Variants in MUC12 observed in about 807,000 individuals in gnomAD.
The protein encoded by MUC12 is mucin-12.
MUC12 carries 172 observed loss-of-function variants against 230.8 expected under a neutral mutation model. The observed-to-expected ratio is 0.75, with a 90% CI of 0.66 to 0.85. The LOEUF (loss-of-function observed/expected upper bound fraction) is 0.85. MUC12 is among the 40% of genes least tolerant of loss of function. The pLI, the probability that MUC12 is intolerant of heterozygous loss-of-function variation, is 0.00. For missense variants in MUC12, 3,506 were observed against 5,920.6 expected (o/e 0.59, Z 13.38); for synonymous variants, 1,259 against 2,401.9 (o/e 0.52, Z 13.91).
intron 1 of MUC12, among the ~76,000 whole-genome samples, chr7:100,970,913 C>G (rs984408247): frequency 5.9e-5 from 9 of 151,926 alleles, no homozygotes; most frequent in African/African-American, 2.2e-4. Context: ...AGGAGAATGG[C>G]GTGAACCCGG....
intron 1 of MUC12, chr7:100,981,456 A>G: frequency 1.8e-6 from 1 of 558,318 alleles, no homozygotes; most frequent in Non-Finnish European, 3.2e-6. Context: ...TGGGGCTCCC[A>G]CTTAGTGAGC....
At chr7:100,973,441 C>T (rs1157665901) in intron 1 of MUC12, among the ~76,000 whole-genome samples, 1 of 43,568 alleles carries the variant, frequency 2.3e-5, no homozygotes. Flanking sequence ...GCCCCTACTA[C>T]AGGCTGAGGA....
At position 100,993,095 on chromosome 7, in the gene MUC12, C is replaced by T; in HGVS notation, c.2532C>T (p.Ser844=). The change falls in exon 2 of 12, where the codon AGC becomes AGT. Residue 844 remains serine, a synonymous_variant. Transcript: ENST00000536621. Reference sequence around the variant, plus strand: ...CACTCTCACCTGCCAGCACGACAAGCTCAGGCGTCAGTGAAGAATCCACCA... The same window carrying T: ...CACTCTCACCTGCCAGCACGACAAGTTCAGGCGTCAGTGAAGAATCCACCA... The part of the protein sequence containing the change: ...ATTLSPASTT[S]SGVSEESTTS... 1 of 1,530,924 alleles carries T rather than the reference C, an allele frequency of 6.5e-7. No individual in the cohort carries two copies. The highest frequency in any genetic ancestry group is 8.7e-7 in the Non-Finnish European group (1 of 1,146,266). The allele number at this position is 1,530,924 out of a possible 1,614,324, so 94.8% of individuals were successfully genotyped here.
chr7:100,991,725 A>T lies in MUC12; in HGVS notation c.1162A>T (p.Thr388Ser), dbSNP rs1793313668. The change falls in exon 2 of 12, where the codon ACT becomes TCT. Residue 388 changes from threonine to serine, a missense_variant. Coordinates refer to ENST00000536621, the MANE Select transcript of MUC12 (RefSeq NM_001164462.2). The part of the protein sequence containing the change: ...TTSGHSEESA[T>S]FHGSTTHTKS... Reference sequence around the variant, plus strand: ...TTCAGGCCATAGTGAAGAATCAGCAACTTTCCACGGCAGCACAACACACAC... The same window carrying T: ...TTCAGGCCATAGTGAAGAATCAGCATCTTTCCACGGCAGCACAACACACAC... 2.0e-6 allele frequency: 3 copies of T among 1,537,882 alleles called. No individual in the cohort carries two copies. The highest frequency in any genetic ancestry group is 1.7e-6 in the Non-Finnish European group (2 of 1,147,084).
At chr7:100,990,485 C>T in intron 1 of MUC12, 146 bp from the exon 2 acceptor site, 1 of 953,760 alleles carries the variant, frequency 1.0e-6, no homozygotes, top group South Asian at 1.7e-5. Flanking sequence ...CTGACACTTC[C>T]TATGCCCCCA....
chr7:101,016,720 C>T (rs554928580), intron 10 of MUC12, among the ~76,000 whole-genome samples: 65 of 151,622 alleles, frequency 4.3e-4, no homozygotes, highest in Non-Finnish European at 6.6e-4. Flanking sequence ...AGAGGAGACG[C>T]AGCCTGGTGG....
chr7:100,992,028 C>T lies in MUC12; in HGVS notation c.1465C>T (p.Leu489Phe), dbSNP rs755982009. The T allele has an allele frequency of 7.2e-6, 11 of 1,537,862 alleles. No homozygotes were observed. Among genetic ancestry groups the T allele is most frequent in the African/African-American group, 2.7e-5 (2 of 73,044 alleles). ...ALPGSTTKPG[L>F]SEKSTTFYSS... is the part of the protein sequence containing the mutation. ...ACCCGGCAGTACCACAAAACCAGGCCTCAGTGAGAAATCTACCACTTTCTA... is the reference window on the plus strand; with the variant it reads ...ACCCGGCAGTACCACAAAACCAGGCTTCAGTGAGAAATCTACCACTTTCTA... Residue 489 changes from leucine to phenylalanine, a missense_variant, in exon 2 of 12, where the codon CTC (leucine) becomes TTC (phenylalanine). Coordinates refer to ENST00000536621, the MANE Select transcript of MUC12 (RefSeq NM_001164462.2).
chr7:101,013,830 G>C (rs1793875781), intron 8 of MUC12, 83 bp from the exon 9 acceptor site: 3 of 1,403,636 alleles, frequency 2.1e-6, no homozygotes, highest in Non-Finnish European at 2.8e-6. Flanking sequence ...CTGGTTTCCT[G>C]TGCTTAGGAG....
intron 1 of MUC12, among the ~76,000 whole-genome samples, chr7:100,974,748 C>T (rs1792990042): frequency 6.6e-6 from 1 of 152,292 alleles, no homozygotes; most frequent in Non-Finnish European, 1.5e-5. Context: ...ATGCTTGAGC[C>T]CAGGAGGTCG....
Position 101,004,595 on chromosome 7 carries a change from G to T in MUC12, c.14032G>T (p.Gly4678Cys). 2 of 1,536,812 alleles carry T rather than the reference G, an allele frequency of 1.3e-6. No homozygotes were observed. The highest frequency in any genetic ancestry group is 1.7e-6 in the Non-Finnish European group (2 of 1,146,212). The change falls in exon 2 of 12, where the codon GGC (glycine) becomes TGC (cysteine). Residue 4678 changes from glycine (G) to cysteine (C), a missense_variant. By Grantham distance (159) the Gly-to-Cys change is radical (BLOSUM62 -3). Transcript: ENST00000536621. ...THFPESSTTSGRSEESTASHS... is the reference protein window; with the variant it reads ...THFPESSTTSCRSEESTASHS... Reference sequence around the variant, plus strand: ...CTTTCCTGAGAGCTCCACAACCTCCGGCCGTAGTGAGGAATCAACAGCATC... The same window carrying T: ...CTTTCCTGAGAGCTCCACAACCTCCTGCCGTAGTGAGGAATCAACAGCATC...
At chr7:100,985,813 C>T (rs1793178729) in intron 1 of MUC12, among the ~76,000 whole-genome samples, 1 of 152,074 alleles carries the variant, frequency 6.6e-6, no homozygotes, top group Admixed American at 6.6e-5. Flanking sequence ...AGAGGGGTCC[C>T]TCACTCAAGT....
Position 100,970,806 on chromosome 7 carries a change from G to C in MUC12, c.67+1117G>C, listed in dbSNP as rs374823347. On this transcript the variant is annotated intron_variant, in intron 1 of 11. Transcript: ENST00000536621. ...AGGTCAGGAGATCGAGACCATCCTG[G>C]CTAACACGGTGAAACCCCATCTCTA... Among the ~76,000 whole-genome samples, 44 of 152,112 alleles carry C rather than the reference G, an allele frequency of 2.9e-4. 1 individual carries two copies. Among genetic ancestry groups the C allele is most frequent in the African/African-American group, 1.0e-3 (43 of 41,534 alleles).
chr7:100,989,392 C>G (rs913492410), intron 1 of MUC12, among the ~76,000 whole-genome samples: 2 of 152,144 alleles, frequency 1.3e-5, no homozygotes, highest in African/African-American at 4.8e-5. Flanking sequence ...TAGGCATGAG[C>G]CACCACACCT....
chr7:100,988,650 T>C (rs1256997430), intron 1 of MUC12, among the ~76,000 whole-genome samples: 1 of 152,208 alleles, frequency 6.6e-6, no homozygotes, highest in African/African-American at 2.4e-5. Context: ...TTAGCTCTTC[T>C]GTTTTTCCTG....
At chr7:101,014,910 G>T (rs1427863881) in intron 9 of MUC12, among the ~76,000 whole-genome samples, 5 of 152,200 alleles carry the variant, frequency 3.3e-5, no homozygotes, top group South Asian at 2.1e-4. Context: ...AGCCTACAAA[G>T]TTGTTGGGAT....
Position 100,999,387 on chromosome 7 carries a change from C to T in MUC12, c.8824C>T (p.His2942Tyr). 1 of 1,369,642 alleles carries T rather than the reference C, an allele frequency of 7.3e-7. No individual in the cohort carries two copies. The highest frequency in any genetic ancestry group is 9.8e-7 in the Non-Finnish European group (1 of 1,016,842). The allele number at this position is 1,369,642 out of a possible 1,614,324, so 84.8% of individuals were successfully genotyped here. The change falls in exon 2 of 12, where the codon CAC becomes TAC. Residue 2942 changes from histidine (H) to tyrosine (Y), a missense_variant. Transcript: ENST00000536621. ...CCTTGGTCAACAATCTACAACCTTC[C>T]ACAGCAGCCCAGGCGACACTGAAAC... ...SSLGQQSTTF[H>Y]SSPGDTETTL...
At chr7:101,012,168 A>T in intron 5 of MUC12, 128 bp from the exon 6 acceptor site, 1 of 969,018 alleles carries the variant, frequency 1.0e-6, no homozygotes, top group Non-Finnish European at 1.5e-6. Context: ...TGGAGGGAAG[A>T]CTCTGTATTC....
intron 3 of MUC12, among the ~76,000 whole-genome samples, chr7:101,007,704 A>G (rs1445727200): frequency 1.3e-5 from 2 of 152,346 alleles, no homozygotes; most frequent in South Asian, 2.1e-4. Flanking sequence ...ACAGCAACAA[A>G]CATGGGAGTG....
chr7:101,012,517 C>T (rs937195987), intron 6 of MUC12, 70 bp downstream of exon 6: 2 of 1,448,386 alleles, frequency 1.4e-6, no homozygotes, highest in African/African-American at 2.8e-5. Flanking sequence ...TCTCCCTCCT[C>T]TACGTCTTCT....
Sources: gnomAD v4.1 joint callset for allele counts (sites outside exome capture counted in the v4.1 genomes callset) on GRCh38, gnomAD v4.1.1 for gene constraint, MANE v1.5 for transcripts, NCBI Gene and HGNC (gene_info 2026-07-23, HGNC 2026-07-21) for gene names.